ASXL2: variants seen among roughly 807,000 people sequenced by gnomAD.
The protein encoded by ASXL2 is ASXL transcriptional regulator 2.
ASXL2 carries 23 observed loss-of-function variants against 122.0 expected under a neutral mutation model. The ratio of observed to expected loss-of-function variants is 0.19; its 90% CI spans 0.14 to 0.27. The LOEUF is 0.27. Among genes scored for constraint, ASXL2 ranks in the 10% least tolerant of loss-of-function variants. ASXL2 has a pLI of 1.00. For missense variants in ASXL2, 1,518 were observed against 1,713.8 expected (o/e 0.89, Z 2.02); for synonymous variants, 650 against 637.0 (o/e 1.02, Z -0.31).
chr2:25,766,980 T>C (rs553689548), intron 8 of ASXL2, among the ~76,000 whole-genome samples: 1 of 152,216 alleles, frequency 6.6e-6, no homozygotes, highest in African/African-American at 2.4e-5. Context: ...GGCTGCTTTA[T>C]CCCTGGCAAC....
intron 3 of ASXL2, among the ~76,000 whole-genome samples, chr2:25,818,054 A>G (rs2089258765): frequency 6.6e-6 from 1 of 152,266 alleles, no homozygotes; most frequent in Non-Finnish European, 1.5e-5. Flanking sequence ...AAGCATTTTC[A>G]GCATTTTGAT....
Position 25,749,867 on chromosome 2 carries a change from T to C in ASXL2, c.1689A>G (p.Pro563=), listed in dbSNP as rs778467983. 2 of 1,611,028 alleles carry C rather than the reference T, an allele frequency of 1.2e-6. No homozygotes were observed. The highest frequency in any genetic ancestry group is 4.5e-5 in the East Asian group (2 of 44,868). The change falls in exon 12 of 13, where the codon CCA becomes CCG. Residue 563 remains proline, a synonymous_variant. Coordinates refer to ENST00000435504, the MANE Select transcript of ASXL2 (RefSeq NM_018263.6). ...EPLATLVDQS[P]ESLKRKSSLT... is the part of the protein sequence containing the mutation. ...GGGAAGACTTCCTCTTGAGGCTTTC[T>C]GGGCTCTGATCAACAAGAGTTGCTA...
chr2:25,777,668 C>T (rs946299134), intron 5 of ASXL2, among the ~76,000 whole-genome samples: 3 of 151,968 alleles, frequency 2.0e-5, no homozygotes, highest in Admixed American at 6.6e-5. Flanking sequence ...AGTGACTACA[C>T]TGAGTACCTT....
chr2:25,743,944 A>G lies in ASXL2; in HGVS notation c.2393T>C (p.Ile798Thr), dbSNP rs370412364. 11 of 1,613,670 alleles carry G rather than the reference A, an allele frequency of 6.8e-6. No homozygotes were observed. Among genetic ancestry groups the G allele is most frequent in the African/African-American group, 1.3e-5 (1 of 74,836 alleles). ...ACTSVPSPAHIEKLDNEKLNP... is the reference protein window; with the variant it reads ...ACTSVPSPAHTEKLDNEKLNP... ...CAGTTTTTCATTATCCAATTTCTCT[A>G]TGTGGGCTGGTGATGGGACACTTGT... The change falls in exon 13 of 13, where the codon ATA becomes ACA. Residue 798 changes from isoleucine (I) to threonine (T), a missense_variant. By Grantham distance (89) the Ile-to-Thr change is moderately conservative. Coordinates refer to ENST00000435504, the MANE Select transcript of ASXL2 (RefSeq NM_018263.6).
At chr2:25,822,645 A>T in intron 3 of ASXL2, 1 of 616,174 alleles carries the variant, frequency 1.6e-6, no homozygotes, top group Non-Finnish European at 3.1e-6. Context: ...CACAGTATTG[A>T]TCCTAATGAT....
rs187408756 is a variant in ASXL2, at chr2:25,743,867, G to A, written c.2470C>T (p.Pro824Ser). The A allele has an allele frequency of 6.2e-7, 1 of 1,614,024 alleles. No individual in the cohort carries two copies. The highest frequency in any genetic ancestry group is 8.5e-7 in the Non-Finnish European group (1 of 1,179,906). ...GCTTTCTCCTGTCTGCAACTACTGG[G>A]CCCTTGTGGATGGCTGACAGAGGCC... is the stretch of plus-strand genomic sequence containing the variant. Reference protein sequence around the residue: ...TVASVSHPQGPSSCRQEKAPS... With the variant: ...TVASVSHPQGSSSCRQEKAPS... The change falls in exon 13 of 13, where the codon CCC becomes TCC. Residue 824 changes from proline to serine, a missense_variant. This residue lies in a region of ASXL2 where 831 missense variants were observed against 833.1 expected (regional missense o/e 1.00). Transcript: ENST00000435504.
intron 3 of ASXL2, among the ~76,000 whole-genome samples, chr2:25,829,636 G>T (rs1441193129): frequency 6.6e-6 from 1 of 152,166 alleles, no homozygotes; most frequent in Non-Finnish European, 1.5e-5. Flanking sequence ...GAAGTAGTTG[G>T]TTGACCCATT....
chr2:25,779,084 A>ATTTT (rs33911748), intron 5 of ASXL2, among the ~76,000 whole-genome samples: 1,502 of 99,370 alleles, frequency 0.015, 45 homozygotes, highest in Non-Finnish European at 0.021. Flanking sequence ...CTTTTTTCTG[A>ATTTT]TTTTTTTTTT....
intron 2 of ASXL2, among the ~76,000 whole-genome samples, chr2:25,843,779 C>T (rs1344603536): frequency 7.6e-6 from 1 of 132,294 alleles, no homozygotes; most frequent in Middle Eastern, 4.4e-3. Context: ...AGCCACTGCA[C>T]TCAAGGCTGG....
intron 4 of ASXL2, among the ~76,000 whole-genome samples, chr2:25,805,045 CAAAAGAAAGAAA>C (rs2089061576): frequency 6.6e-6 from 1 of 151,712 alleles, no homozygotes; most frequent in Non-Finnish European, 1.5e-5. Context: ...GCGAGACTGT[CAAAAGAAAGAAA>C]GAAAGAAAAG....
chr2:25,746,625 T>C (rs188748699), intron 12 of ASXL2, among the ~76,000 whole-genome samples: 1 of 152,016 alleles, frequency 6.6e-6, no homozygotes, highest in African/African-American at 2.4e-5. Context: ...ATACCTAACA[T>C]AATACATCAT....
In ASXL2 at chr2:25,744,338, C is replaced by T. The variant is rs751507265; in HGVS notation, c.1999G>A (p.Val667Ile). The T allele has an allele frequency of 6.2e-7, 1 of 1,613,954 alleles. No individual in the cohort carries two copies. Among genetic ancestry groups the T allele is most frequent in the Non-Finnish European group, 8.5e-7 (1 of 1,179,888 alleles). The change falls in exon 13 of 13, where the codon GTC becomes ATC. Residue 667 changes from valine (V) to isoleucine (I), a missense_variant. Coordinates refer to ENST00000435504, the MANE Select transcript of ASXL2 (RefSeq NM_018263.6). This position sits in a 1 kb window ranked among gnomAD's most constrained non-coding sequence, Gnocchi z 4.7. ...GCAGCTGCTGCCCTCTGTGCTTTGA[C>T]CAGTTGGGCTTTTGCTTTGATGTCT... is the stretch of plus-strand genomic sequence containing the variant. ...LADIKAKAQL[V>I]KAQRAAAAAA...
intron 4 of ASXL2, among the ~76,000 whole-genome samples, chr2:25,805,650 CATTTTATTTATTTTTT>C (rs2089070210): frequency 6.6e-6 from 1 of 151,910 alleles, no homozygotes; most frequent in Non-Finnish European, 1.5e-5. Context: ...CACTAGAAGT[CATTTTATTTATTTTTT>C]ATTTTATTTT....
At chr2:25,757,300 CA>C (rs1328972477) in intron 9 of ASXL2, among the ~76,000 whole-genome samples, 1 of 151,854 alleles carries the variant, frequency 6.6e-6, no homozygotes, top group Non-Finnish European at 1.5e-5. Flanking sequence ...CTGTGGGCTC[CA>C]ACCATGTTAA....
chr2:25,759,491 T>G lies in ASXL2; in HGVS notation c.930A>C (p.Val310=), dbSNP rs774099769. The G allele has an allele frequency of 1.2e-6, 2 of 1,613,484 alleles. No homozygotes were observed. The highest frequency in any genetic ancestry group is 4.5e-5 in the East Asian group (2 of 44,876). Residue 310 remains valine (V), a synonymous_variant, in exon 9 of 13, where the codon GTA becomes GTC. Coordinates refer to ENST00000435504, the MANE Select transcript of ASXL2 (RefSeq NM_018263.6). The part of the protein sequence containing the change: ...QQRLLLLLPE[V]DRQVGPDGLM... ...GAGTTCAATGACGCACCTGTCGATC[T>G]ACCTCTGGGAGTAGTAAAAGCAGTC...
At chr2:25,801,750 C>T (rs1001235501) in intron 4 of ASXL2, among the ~76,000 whole-genome samples, 2 of 152,098 alleles carry the variant, frequency 1.3e-5, no homozygotes, top group African/African-American at 4.8e-5. Flanking sequence ...TGTCCTTTGT[C>T]TCCATCTCTT....
chr2:25,755,543 C>A (rs956384387), intron 10 of ASXL2, among the ~76,000 whole-genome samples: 6 of 152,104 alleles, frequency 3.9e-5, no homozygotes, highest in Admixed American at 2.0e-4. Context: ...TGAAATATAC[C>A]TTAATGAAGT....
intron 5 of ASXL2, among the ~76,000 whole-genome samples, chr2:25,782,695 TAA>T (rs1368484792): frequency 6.6e-6 from 1 of 152,220 alleles, no homozygotes; most frequent in Non-Finnish European, 1.5e-5. Flanking sequence ...GTTATAACGT[TAA>T]AGAGAAATCC....
intron 5 of ASXL2, among the ~76,000 whole-genome samples, chr2:25,788,250 A>C (rs1156400697): frequency 6.6e-6 from 1 of 152,240 alleles, no homozygotes; most frequent in Non-Finnish European, 1.5e-5. Flanking sequence ...AAAAGATAAA[A>C]GAATAAAGTT....
Sources: allele counts gnomAD v4.1 joint callset (sites outside exome capture counted in the v4.1 genomes callset), GRCh38; gene constraint gnomAD v4.1.1; regional missense constraint gnomAD v4.1.1; non-coding constraint Gnocchi (gnomAD v3.1); transcripts MANE v1.5; gene names NCBI Gene and HGNC (gene_info 2026-07-23, HGNC 2026-07-21).